Variants in FANCA observed in about 807,000 individuals in gnomAD.
FANCA encodes the protein FA complementation group A.
A neutral mutation model predicts 194.3 loss-of-function variants in FANCA; 236 were observed. The observed-to-expected ratio is 1.21, with a 90% CI of 1.09 to 1.35. The LOEUF (loss-of-function observed/expected upper bound fraction) is 1.35. Among genes scored for constraint, FANCA ranks in the 40% most tolerant of loss-of-function variants. The probability of loss-of-function intolerance (pLI) is 0.00; values close to 1 mark genes in which losing one functional copy is unlikely to be tolerated. For synonymous variants in FANCA, 1,014 were observed against 715.8 expected (o/e 1.42, Z -6.65); for missense variants, 2,628 against 1,813.9 (o/e 1.45, Z -8.15).
chr16:89,810,663 T>A (rs779422184), intron 5 of FANCA, 44 bp downstream of exon 5: 1 of 1,270,606 alleles, frequency 7.9e-7, no homozygotes. Context: ...CAACAGAACA[T>A]TGCCTGGAAC....
chr16:89,737,700 T>G lies in FANCA; in HGVS notation c.*901A>C. ...CTTGGGCCCACTGCATGGTGAACCA[T>G]GTGCAGAAATGTCTTCCCAGCTGTG... On this transcript the variant is annotated 3_prime_UTR_variant, in exon 43 of 43. Transcript: ENST00000389301. 6.3e-7 allele frequency: 1 copy of G among 1,578,584 alleles called. No individual in the cohort carries two copies. The highest frequency in any genetic ancestry group is 8.6e-7 in the Non-Finnish European group (1 of 1,159,800).
intron 8 of FANCA, among the ~76,000 whole-genome samples, chr16:89,799,974 A>C (rs2040389069): frequency 6.6e-6 from 1 of 152,224 alleles, no homozygotes; most frequent in African/African-American, 2.4e-5. Flanking sequence ...GGCCCGGGCG[A>C]AAGAGCCAGA....
At chr16:89,787,908 C>T (rs959948579) in intron 14 of FANCA, among the ~76,000 whole-genome samples, 1 of 151,478 alleles carries the variant, frequency 6.6e-6, no homozygotes, top group African/African-American at 2.4e-5. Context: ...GGGTCTTGCT[C>T]CATTGCCCAG....
chr16:89,740,320 C>A, intron 38 of FANCA: 1 of 577,032 alleles, frequency 1.7e-6, no homozygotes. Flanking sequence ...GGCTGCTGCA[C>A]CACGTCCTCA....
chr16:89,778,019 G>A (rs937239429), intron 20 of FANCA, among the ~76,000 whole-genome samples: 3 of 151,912 alleles, frequency 2.0e-5, no homozygotes, highest in Admixed American at 6.6e-5. Context: ...AAAATTAGCC[G>A]GGCGTGGTGG....
chr16:89,739,952 G>C (rs1567594872), intron 39 of FANCA, 42 bp downstream of exon 39: 4 of 1,611,566 alleles, frequency 2.5e-6, no homozygotes, highest in South Asian at 1.1e-5. Flanking sequence ...CCTCTGAAAA[G>C]AGCGGCCCTC....
At position 89,770,491 on chromosome 16, in the gene FANCA, T is replaced by C. The variant is rs1800341; in HGVS notation, c.2222+73A>G. On this transcript the variant is annotated intron_variant, in intron 24 of 42. Transcript: ENST00000389301. ...CGGAGACGAGCTCATGAGTCCCTGG[T>C]CTGCAGACTTGGCCCAGCAAGAGGT... The C allele has an allele frequency of 0.088, 122,031 of 1,381,740 alleles. 6,079 individuals are homozygous for C. Among genetic ancestry groups the C allele is most frequent in the Non-Finnish European group, 0.1 (99,536 of 991,834 alleles). 85.6% of individuals were successfully genotyped at this position (1,381,740 alleles called of 1,614,324 possible). A position where few individuals can be genotyped will look rare whatever the true frequency, so the allele number is the denominator to read the frequency against.
chr16:89,791,841 G>C, intron 13 of FANCA, 86 bp downstream of exon 13: 2 of 1,556,356 alleles, frequency 1.3e-6, no homozygotes, highest in Non-Finnish European at 1.8e-6. Context: ...TTCACTGAGA[G>C]GCTCACCCAC....
chr16:89,805,953 T>G (rs2040625243), intron 6 of FANCA, among the ~76,000 whole-genome samples: 1 of 151,684 alleles, frequency 6.6e-6, no homozygotes, highest in African/African-American at 2.4e-5. Flanking sequence ...GCTCTTGTCA[T>G]CCAGGCTGGA....
At chr16:89,794,009 C>CA (rs1268126340) in intron 11 of FANCA, among the ~76,000 whole-genome samples, 1 of 152,104 alleles carries the variant, frequency 6.6e-6, no homozygotes, top group African/African-American at 2.4e-5. Flanking sequence ...CTCAGCCTCC[C>CA]AAAATGCTGG....
At chr16:89,798,654 G>C (rs1451131691) in intron 10 of FANCA, 1 of 1,216,060 alleles carries the variant, frequency 8.2e-7, no homozygotes, top group Non-Finnish European at 1.0e-6. Context: ...CGACCTGTAA[G>C]GGTCTCCGCA....
At chr16:89,814,187 C>G (rs887555980) in intron 3 of FANCA, among the ~76,000 whole-genome samples, 1 of 152,164 alleles carries the variant, frequency 6.6e-6, no homozygotes, top group African/African-American at 2.4e-5. Context: ...ATTGTTCTCC[C>G]GTCTGCTCTC....
intron 10 of FANCA, among the ~76,000 whole-genome samples, chr16:89,798,161 T>C (rs2143573804): frequency 6.6e-6 from 1 of 152,186 alleles, no homozygotes; most frequent in South Asian, 2.1e-4. Flanking sequence ...CTCTCCCCTC[T>C]CTACCTCATG....
chr16:89,778,763 C>A (rs778485280), intron 20 of FANCA, 38 bp downstream of exon 20: 7 of 1,591,758 alleles, frequency 4.4e-6, no homozygotes, highest in Non-Finnish European at 6.0e-6. Flanking sequence ...CAGAAGAAAC[C>A]TGGAAGTAGT....
intron 8 of FANCA, among the ~76,000 whole-genome samples, chr16:89,800,908 C>G (rs192437470): frequency 1.4e-4 from 21 of 151,770 alleles, no homozygotes; most frequent in Non-Finnish European, 1.6e-4. Flanking sequence ...TGGCGGGTGT[C>G]TATAGTCCCA....
chr16:89,738,055 C>G lies in FANCA; in HGVS notation c.*546G>C. 1 of 1,614,134 alleles carries G rather than the reference C, an allele frequency of 6.2e-7. No homozygotes were observed. The highest frequency in any genetic ancestry group is 8.5e-7 in the Non-Finnish European group (1 of 1,180,040). On this transcript the variant is annotated 3_prime_UTR_variant, in exon 43 of 43. Transcript: ENST00000389301. ...GACCAAACACAAGGCTGAGACTGAG[C>G]TGGACTTTGCCTGTGACCAGTGTGG...
At chr16:89,783,431 G>C (rs919802254) in intron 15 of FANCA, among the ~76,000 whole-genome samples, 3 of 151,682 alleles carry the variant, frequency 2.0e-5, no homozygotes, top group Admixed American at 2.0e-4. Flanking sequence ...GGCACCAGTA[G>C]TCCCAGCTAC....
chr16:89,791,795 G>A (rs1305259530), intron 13 of FANCA, 132 bp downstream of exon 13: 1 of 1,190,616 alleles, frequency 8.4e-7, no homozygotes, highest in Admixed American at 1.8e-5. Context: ...TCCATCGACA[G>A]GAGGCACTGC....
intron 1 of FANCA, 85 bp downstream of exon 1, chr16:89,816,452 G>A (rs1363498926): frequency 2.4e-6 from 3 of 1,225,984 alleles, no homozygotes; most frequent in Non-Finnish European, 3.2e-6. Context: ...ACCGGCGGAG[G>A]CTCTGGCGGG....
Sources: allele counts gnomAD v4.1 joint callset (sites outside exome capture counted in the v4.1 genomes callset), GRCh38; gene constraint gnomAD v4.1.1; transcripts MANE v1.5; gene names NCBI Gene and HGNC (gene_info 2026-07-23, HGNC 2026-07-21).